Variants in PDE1C observed in about 807,000 individuals in gnomAD.
The protein encoded by PDE1C is phosphodiesterase 1C.
Under a neutral mutation model 93.1 loss-of-function variants are expected in PDE1C, and 62 were observed. The ratio of observed to expected loss-of-function variants is 0.67; its 90% CI spans 0.54 to 0.82. The LOEUF (loss-of-function observed/expected upper bound fraction) is 0.82. Ranked by LOEUF, PDE1C falls within the 40% of genes least tolerant of loss-of-function variation. The pLI is 0.00. For synonymous variants in PDE1C, 325 were observed against 310.1 expected, an observed-to-expected ratio of 1.05 and a Z score of -0.50; for missense variants, 742 against 884.6, an observed-to-expected ratio of 0.84 and a Z score of 2.04.
At chr7:32,049,613 T>C (rs977195360) in intron 2 of PDE1C, among the ~76,000 whole-genome samples, 3 of 152,122 alleles carry the variant, frequency 2.0e-5, no homozygotes, top group Non-Finnish European at 2.9e-5. Context: ...ATGACGCTCA[T>C]TAGAAAAGGC....
At chr7:32,040,540 G>T (rs180907816) in intron 2 of PDE1C, among the ~76,000 whole-genome samples, 1 of 152,126 alleles carries the variant, frequency 6.6e-6, no homozygotes, top group Non-Finnish European at 1.5e-5. Context: ...CTGGCTTAGA[G>T]AAATAAAGTA....
At chr7:31,630,527 G>C in the PDE1C span, among the ~76,000 whole-genome samples, 1 of 152,130 alleles carries the variant, frequency 6.6e-6, no homozygotes, top group Non-Finnish European at 1.5e-5. Flanking sequence ...TAAAGATTCT[G>C]AGGCTGAATT....
chr7:32,085,909 C>T (rs1260547845), intron 3 of PDE1C, among the ~76,000 whole-genome samples: 1 of 147,912 alleles, frequency 6.8e-6, no homozygotes, highest in Non-Finnish European at 1.5e-5. Flanking sequence ...ACTGAATGGG[C>T]AAAAACTGGA....
At chr7:31,646,295 G>A in the PDE1C span, among the ~76,000 whole-genome samples, 30,523 of 152,038 alleles carry the variant, frequency 0.2, 3,158 homozygotes, top group Non-Finnish European at 0.2. Flanking sequence ...TAATGTAAAA[G>A]GTTTGAGAGT....
intron 2 of PDE1C, among the ~76,000 whole-genome samples, chr7:32,009,354 A>G (rs918533722): frequency 2.2e-4 from 34 of 152,206 alleles, no homozygotes; most frequent in African/African-American, 7.5e-4. Flanking sequence ...ACAGCATACC[A>G]GAGAAAAAAA....
At chr7:32,058,966 G>GA (rs201751388) in intron 1 of PDE1C, among the ~76,000 whole-genome samples, 1,482 of 136,312 alleles carry the variant, frequency 0.011, 21 homozygotes, top group African/African-American at 0.03. Flanking sequence ...TTATAAAATG[G>GA]AAAAAAAAAA....
the PDE1C span, among the ~76,000 whole-genome samples, chr7:31,676,743 GTAGA>G: frequency 2.8e-4 from 42 of 152,088 alleles, no homozygotes; most frequent in African/African-American, 9.9e-4. Flanking sequence ...ACTAGAATTA[GTAGA>G]TAAACACAAA....
At chr7:32,185,441 C>T (rs1248829755) in intron 2 of PDE1C, among the ~76,000 whole-genome samples, 1 of 152,086 alleles carries the variant, frequency 6.6e-6, no homozygotes, top group African/African-American at 2.4e-5. Context: ...TGGGAATAGT[C>T]TATTCCCCAA....
intron 2 of PDE1C, among the ~76,000 whole-genome samples, chr7:31,996,065 G>C (rs963940183): frequency 1.0e-5 from 1 of 95,610 alleles, no homozygotes; most frequent in East Asian, 2.9e-4. Flanking sequence ...TTACGCTTCC[G>C]GACACACACA....
the PDE1C span, among the ~76,000 whole-genome samples, chr7:31,729,076 GAA>G: frequency 6.6e-6 from 1 of 152,156 alleles, no homozygotes; most frequent in African/African-American, 2.4e-5. Context: ...CTCCCCATCA[GAA>G]AAATATAAAT....
chr7:32,251,367 C>G (rs1411086306), intron 1 of PDE1C, among the ~76,000 whole-genome samples: 1 of 152,232 alleles, frequency 6.6e-6, no homozygotes, highest in Non-Finnish European at 1.5e-5. Context: ...AGAGCTGCAA[C>G]TCAGGCAAGG....
At chr7:31,657,103 A>T in the PDE1C span, among the ~76,000 whole-genome samples, 3 of 1,946 alleles carry the variant, frequency 1.5e-3, no homozygotes, top group Non-Finnish European at 3.4e-3. Flanking sequence ...GATATATATA[A>T]AATATATATA....
chr7:31,738,699 G>T, the PDE1C span, among the ~76,000 whole-genome samples: 1 of 152,192 alleles, frequency 6.6e-6, no homozygotes, highest in Non-Finnish European at 1.5e-5. Context: ...GGGCTTCTTG[G>T]AGATGGTGGC....
chr7:32,060,717 T>C (rs1794705569), intron 1 of PDE1C, among the ~76,000 whole-genome samples: 1 of 152,058 alleles, frequency 6.6e-6, no homozygotes, highest in East Asian at 1.9e-4. Flanking sequence ...TTCTTTCATT[T>C]TTTTTTTAAC....
intron 5 of PDE1C, among the ~76,000 whole-genome samples, chr7:31,875,820 T>TATATATATATATATATATATAC (rs1554387782): frequency 1.1e-5 from 1 of 87,198 alleles, no homozygotes; most frequent in African/African-American, 4.7e-5. Context: ...TATATATATA[T>TATATATATATATATATATATAC]ATATATATAT....
intron 2 of PDE1C, among the ~76,000 whole-genome samples, chr7:31,889,039 G>T (rs185844178): frequency 6.6e-6 from 1 of 152,288 alleles, no homozygotes; most frequent in East Asian, 1.9e-4. Flanking sequence ...AAGAATCCAT[G>T]CTCATGAATT....
At chr7:31,892,741 T>C (rs1309324709) in intron 2 of PDE1C, among the ~76,000 whole-genome samples, 2 of 152,142 alleles carry the variant, frequency 1.3e-5, no homozygotes, top group Non-Finnish European at 2.9e-5. Flanking sequence ...CTTATTTCAC[T>C]TAGCATAATG....
chr7:31,837,067 C>A, intron 11 of PDE1C, 113 bp downstream of exon 11: 1 of 1,031,544 alleles, frequency 9.7e-7, no homozygotes, highest in Non-Finnish European at 1.4e-6. Flanking sequence ...AGCCCCCCTC[C>A]CCTCTCCAAA....
intron 3 of PDE1C, among the ~76,000 whole-genome samples, chr7:32,131,377 C>G (rs1426037183): frequency 6.6e-6 from 1 of 152,052 alleles, no homozygotes; most frequent in Non-Finnish European, 1.5e-5. Flanking sequence ...TGGCCCAGAA[C>G]CTAGTTCATG....
Sources: gnomAD v4.1 joint callset for allele counts (sites outside exome capture counted in the v4.1 genomes callset) on GRCh38, gnomAD v4.1.1 for gene constraint, MANE v1.5 for transcripts, NCBI Gene and HGNC (gene_info 2026-07-23, HGNC 2026-07-21) for gene names.